The following RAPGEF5 variants were observed in gnomAD, a reference collection of about 807,000 sequenced individuals.
RAPGEF5 encodes Rap guanine nucleotide exchange factor 5.
A neutral mutation model predicts 125.2 loss-of-function variants in RAPGEF5; 65 were observed. The ratio of observed to expected loss-of-function variants is 0.52; its 90% CI spans 0.43 to 0.64. The LOEUF (loss-of-function observed/expected upper bound fraction) is 0.64, where lower values mean the gene tolerates loss of function less well. Ranked by LOEUF, RAPGEF5 falls within the 30% of genes least tolerant of loss-of-function variation. The pLI is 0.00. For synonymous variants in RAPGEF5, 391 were observed against 385.9 expected (o/e 1.01, Z -0.16); for missense variants, 958 against 1,048.1 (o/e 0.91, Z 1.19).
intron 1 of RAPGEF5, among the ~76,000 whole-genome samples, chr7:22,322,461 T>C (rs1783734946): frequency 6.6e-6 from 1 of 152,174 alleles, no homozygotes; most frequent in African/African-American, 2.4e-5. Context: ...TTAAATATTT[T>C]GCATGCATCA....
chr7:22,346,381 CAA>C (rs1203207451), intron 1 of RAPGEF5, among the ~76,000 whole-genome samples: 1 of 152,102 alleles, frequency 6.6e-6, no homozygotes, highest in Non-Finnish European at 1.5e-5. Flanking sequence ...ATCCTCTTCT[CAA>C]CGTAAAAAAA....
chr7:22,312,021 C>G (rs1783481947), intron 3 of RAPGEF5, among the ~76,000 whole-genome samples: 1 of 152,186 alleles, frequency 6.6e-6, no homozygotes, highest in Non-Finnish European at 1.5e-5. Flanking sequence ...AAAGCATTTA[C>G]TAAACAAACT....
chr7:22,162,535 A>G lies in RAPGEF5; in HGVS notation c.1290T>C (p.Ser430=). Residue 430 remains serine, a synonymous_variant, in exon 13 of 26, where the codon TCT becomes TCC. Transcript: ENST00000665637. ...DLCQALLRHY[S]AKKYQGKEEN... is the part of the protein sequence containing the mutation. ...CCTCTTTGCCTTGATACTTCTTAGC[A>G]GAATAGGTGCAAATGGTTAAGAAAA... The G allele has an allele frequency of 6.2e-7, 1 of 1,607,722 alleles. No homozygotes were observed. Among genetic ancestry groups the G allele is most frequent in the Non-Finnish European group, 8.5e-7 (1 of 1,175,060 alleles).
intron 7 of RAPGEF5, among the ~76,000 whole-genome samples, chr7:22,239,592 G>A (rs935524220): frequency 2.6e-5 from 4 of 151,672 alleles, no homozygotes; most frequent in Admixed American, 6.6e-5. Context: ...ATTTATCCCT[G>A]CCCTACAGCA....
At chr7:22,330,157 T>G (rs558331944) in intron 1 of RAPGEF5, among the ~76,000 whole-genome samples, 1 of 152,314 alleles carries the variant, frequency 6.6e-6, no homozygotes, top group Non-Finnish European at 1.5e-5. Context: ...AGAACAAGTC[T>G]ACAGACAGAA....
At position 22,292,076 on chromosome 7, in the gene RAPGEF5, G is replaced by C. The variant is rs371878384; in HGVS notation, c.681-835C>G. On this transcript the variant is annotated intron_variant, in intron 5 of 25. Transcript: ENST00000665637. ...ATTTCCACAAGCAATCCCTTTCAAT[G>C]TATGCTGTGGACAGGGGGCGGAGGG... Among the ~76,000 whole-genome samples, 5 of 152,280 alleles carry C rather than the reference G, an allele frequency of 3.3e-5. 1 individual carries two copies. Among genetic ancestry groups the C allele is most frequent in the East Asian group, 3.9e-4 (2 of 5,188 alleles).
chr7:22,204,128 A>G (rs1785345127), intron 9 of RAPGEF5, among the ~76,000 whole-genome samples: 1 of 152,198 alleles, frequency 6.6e-6, no homozygotes, highest in Non-Finnish European at 1.5e-5. Flanking sequence ...AGAGGATAAC[A>G]TGACTTTTCA....
chr7:22,123,045 G>GA (rs572159482), intron 25 of RAPGEF5, among the ~76,000 whole-genome samples: 4 of 150,740 alleles, frequency 2.7e-5, no homozygotes, highest in Admixed American at 6.6e-5. Flanking sequence ...TCATTTTTTG[G>GA]AAAAAAAAAT....
At chr7:22,351,833 G>A (rs182603453) in intron 1 of RAPGEF5, among the ~76,000 whole-genome samples, 2 of 152,274 alleles carry the variant, frequency 1.3e-5, no homozygotes, top group African/African-American at 4.8e-5. Context: ...AGCAGAGGAG[G>A]GTATTGAGTC....
At chr7:22,279,270 A>G (rs1782622659) in intron 6 of RAPGEF5, among the ~76,000 whole-genome samples, 1 of 152,218 alleles carries the variant, frequency 6.6e-6, no homozygotes, top group Non-Finnish European at 1.5e-5. Context: ...TAATCCACTT[A>G]AAGAACTTTC....
chr7:22,332,730 A>G (rs546986387), intron 1 of RAPGEF5, among the ~76,000 whole-genome samples: 88 of 152,350 alleles, frequency 5.8e-4, no homozygotes, highest in Middle Eastern at 3.4e-3. Context: ...CCTAAGTCCT[A>G]TGTATCTCAA....
chr7:22,208,909 T>G (rs1345251), intron 9 of RAPGEF5, among the ~76,000 whole-genome samples: 140,449 of 152,238 alleles, frequency 0.92, 64,834 homozygotes, highest in East Asian at 0.99. Context: ...AACCACAAAG[T>G]GTGGGGCACC....
chr7:22,170,419 C>T (rs184342232), intron 11 of RAPGEF5, among the ~76,000 whole-genome samples: 32 of 152,250 alleles, frequency 2.1e-4, no homozygotes, highest in Non-Finnish European at 1.8e-4. Flanking sequence ...GCCACCAGTG[C>T]GCAGAAACCA....
intron 1 of RAPGEF5, among the ~76,000 whole-genome samples, chr7:22,344,759 T>G (rs1218351573): frequency 6.6e-6 from 1 of 152,160 alleles, no homozygotes; most frequent in Non-Finnish European, 1.5e-5. Context: ...CCTCCCCACT[T>G]TTTTCTTTTT....
chr7:22,307,909 T>C (rs1046703423), intron 5 of RAPGEF5, among the ~76,000 whole-genome samples: 10 of 152,344 alleles, frequency 6.6e-5, no homozygotes, highest in Admixed American at 3.3e-4. Flanking sequence ...AGTATCTTCA[T>C]GTGATGATTC....
intron 24 of RAPGEF5, among the ~76,000 whole-genome samples, chr7:22,127,099 C>T (rs1005161366): frequency 3.7e-5 from 5 of 135,100 alleles, no homozygotes; most frequent in Admixed American, 7.7e-5. Context: ...AGTGCAATGG[C>T]GTGATCTCGG....
At chr7:22,298,891 C>T (rs4719689) in intron 5 of RAPGEF5, among the ~76,000 whole-genome samples, 78,105 of 151,922 alleles carry the variant, frequency 0.51, 21,436 homozygotes, top group African/African-American at 0.71. Context: ...TTAATGATCA[C>T]ATAGTTGTTC....
intron 9 of RAPGEF5, among the ~76,000 whole-genome samples, chr7:22,198,595 T>C (rs1785205870): frequency 6.6e-6 from 1 of 152,146 alleles, no homozygotes. Flanking sequence ...TTTTATTCCA[T>C]AATGGTAGAG....
chr7:22,279,073 C>G (rs941745499), intron 6 of RAPGEF5, among the ~76,000 whole-genome samples: 1 of 152,130 alleles, frequency 6.6e-6, no homozygotes, highest in African/African-American at 2.4e-5. Context: ...TACTCATATT[C>G]CACTGAATCC....
Sources: allele counts gnomAD v4.1 joint callset (sites outside exome capture counted in the v4.1 genomes callset), GRCh38; gene constraint gnomAD v4.1.1; transcripts MANE v1.5; gene names NCBI Gene and HGNC (gene_info 2026-07-23, HGNC 2026-07-21).